Variants in ADCY2 observed in about 807,000 individuals in gnomAD.
The protein encoded by ADCY2 is adenylate cyclase 2.
Under a neutral mutation model 125.2 loss-of-function variants are expected in ADCY2, and 31 were observed. The observed-to-expected ratio is 0.25, with a 90% CI of 0.19 to 0.33. ADCY2 has a LOEUF of 0.33. Ranked by LOEUF, ADCY2 falls within the 10% of genes least tolerant of loss-of-function variation. The pLI, the probability that ADCY2 is intolerant of heterozygous loss-of-function variation, is 1.00. For missense variants in ADCY2, 904 were observed against 1,418.2 expected (o/e 0.64, Z 5.82); for synonymous variants, 512 against 548.4 (o/e 0.93, Z 0.93).
At chr5:7,666,274 A>C (rs1739721394) in intron 4 of ADCY2, among the ~76,000 whole-genome samples, 1 of 151,250 alleles carries the variant, frequency 6.6e-6, no homozygotes, top group Non-Finnish European at 1.5e-5. Context: ...ACTAGCATTT[A>C]TTTGTGCTCC....
intron 18 of ADCY2, among the ~76,000 whole-genome samples, chr5:7,774,307 T>C (rs1253353757): frequency 6.6e-6 from 1 of 152,238 alleles, no homozygotes; most frequent in Non-Finnish European, 1.5e-5. Flanking sequence ...TGCATAATTA[T>C]ATTTATGATT....
At chr5:7,501,140 A>T (rs1373762890) in intron 2 of ADCY2, among the ~76,000 whole-genome samples, 2 of 151,668 alleles carry the variant, frequency 1.3e-5, no homozygotes, top group Non-Finnish European at 2.9e-5. Flanking sequence ...TTAAAAAAAA[A>T]AAAAAAGGTC....
intron 10 of ADCY2, among the ~76,000 whole-genome samples, chr5:7,710,912 A>G (rs186379414): frequency 2.0e-5 from 3 of 152,338 alleles, no homozygotes; most frequent in African/African-American, 7.2e-5. Context: ...TTGGATATGC[A>G]TGAACATTAG....
At chr5:7,733,291 A>G (rs1742158431) in intron 14 of ADCY2, among the ~76,000 whole-genome samples, 1 of 152,248 alleles carries the variant, frequency 6.6e-6, no homozygotes, top group Non-Finnish European at 1.5e-5. Context: ...ACTTATTTCA[A>G]CACTCAATAC....
At chr5:7,422,724 T>C (rs765051050) in intron 2 of ADCY2, among the ~76,000 whole-genome samples, 30 of 152,238 alleles carry the variant, frequency 2.0e-4, no homozygotes, top group Non-Finnish European at 3.7e-4. Context: ...TTTGTCCTGT[T>C]ACCTAAAAGG....
intron 5 of ADCY2, 117 bp downstream of exon 5, chr5:7,690,956 A>C (rs1740684064): frequency 8.2e-7 from 1 of 1,212,708 alleles, no homozygotes; most frequent in African/African-American, 1.6e-5. Context: ...GATCCTTTGC[A>C]GGGGAAATAA....
At chr5:7,557,135 T>TATATATA (rs1554019445) in intron 3 of ADCY2, among the ~76,000 whole-genome samples, 5 of 77,466 alleles carry the variant, frequency 6.5e-5, no homozygotes, top group African/African-American at 1.7e-4. Flanking sequence ...CAAAAACAGT[T>TATATATA]TATATATATA....
chr5:7,781,979 G>GCTAACAGAATGAAAGAAGT (rs1441562848), intron 18 of ADCY2, among the ~76,000 whole-genome samples: 2 of 152,192 alleles, frequency 1.3e-5, no homozygotes, highest in African/African-American at 2.4e-5. Context: ...GTTCTCTTTT[G>GCTAACAGAATGAAAGAAGT]CTAACAGAAT....
chr5:7,516,456 A>G (rs185043971), intron 2 of ADCY2, among the ~76,000 whole-genome samples: 19 of 152,170 alleles, frequency 1.2e-4, no homozygotes, highest in Non-Finnish European at 2.8e-4. Flanking sequence ...CACCACTCAC[A>G]TGAACACAGG....
rs770653432 is a variant in ADCY2 at position 7,690,813 on chromosome 5, G to A, written c.843G>A (p.Leu281=). 4 of 1,601,948 alleles carry A rather than the reference G, an allele frequency of 2.5e-6. No individual in the cohort carries two copies. The South Asian group carries it at 4.5e-5, about 18-fold the overall frequency. The change falls in exon 5 of 25, where the codon CTG becomes CTA. Residue 281 remains leucine, a synonymous_variant. Coordinates refer to ENST00000338316, the MANE Select transcript of ADCY2 (RefSeq NM_020546.3). ...QMENTNNFHN[L]YVKRHTNVSI... is the part of the protein sequence containing the mutation. The stretch of plus-strand genomic sequence containing the variant: ...AGAACACAAATAACTTCCACAACCT[G>A]TATGTGAAGCGGCATACAAACGTGA...
chr5:7,812,769 C>G (rs1184546857), intron 22 of ADCY2, among the ~76,000 whole-genome samples: 1 of 152,092 alleles, frequency 6.6e-6, no homozygotes, highest in East Asian at 1.9e-4. Flanking sequence ...ATTAACCAGG[C>G]TTGGTGGGCA....
At chr5:7,458,656 C>T (rs536049548) in intron 2 of ADCY2, among the ~76,000 whole-genome samples, 1 of 152,266 alleles carries the variant, frequency 6.6e-6, no homozygotes, top group African/African-American at 2.4e-5. Context: ...AAGAAAAAGT[C>T]TCTTCCCACA....
chr5:7,804,071 A>AGAGAGAGAGAGAGAGAGAGG (rs1280836195), intron 21 of ADCY2, among the ~76,000 whole-genome samples: 1 of 148,590 alleles, frequency 6.7e-6, no homozygotes, highest in Non-Finnish European at 1.5e-5. Flanking sequence ...AGAGAGAGAG[A>AGAGAGAGAGAGAGAGAGAGG]GAGCTGGTTT....
intron 3 of ADCY2, among the ~76,000 whole-genome samples, chr5:7,589,504 A>AAGAAAGAAAG (rs1736767222): frequency 1.4e-5 from 1 of 70,566 alleles, no homozygotes; most frequent in African/African-American, 3.3e-5. Flanking sequence ...GAAAGAAAGA[A>AAGAAAGAAAG]AGAAAGAAAA....
At position 7,401,145 on chromosome 5, in the gene ADCY2, A is replaced by G. The variant is rs146633145; in HGVS notation, c.210+4639A>G. 1.1e-4 allele frequency among the ~76,000 whole-genome samples: 17 copies of G among 152,316 alleles called. No homozygotes were observed. In the South Asian group the frequency reaches 2.5e-3, roughly 22 times the overall value. ...CCTGCCTTGTAAGCTGATGTCCTCAATTAGTACATGCAAAGCCCTTAGAAC... is the reference window on the plus strand; with the variant it reads ...CCTGCCTTGTAAGCTGATGTCCTCAGTTAGTACATGCAAAGCCCTTAGAAC... On this transcript the variant is annotated intron_variant, in intron 1 of 24. Coordinates refer to ENST00000338316, the MANE Select transcript of ADCY2 (RefSeq NM_020546.3).
intron 16 of ADCY2, among the ~76,000 whole-genome samples, chr5:7,757,987 T>G (rs754957277): frequency 7.2e-5 from 11 of 152,126 alleles, no homozygotes; most frequent in Non-Finnish European, 1.2e-4. Context: ...AACTGCAATG[T>G]CTTAAGGATA....
At chr5:7,414,796 C>T (rs374414946) in intron 2 of ADCY2, 26 bp downstream of exon 2, 156 of 1,575,858 alleles carry the variant, frequency 9.9e-5, no homozygotes, top group African/African-American at 2.9e-4. Flanking sequence ...ATTTTTTGTA[C>T]TTCTTTTATG....
At chr5:7,467,980 T>C (rs181643608) in intron 2 of ADCY2, among the ~76,000 whole-genome samples, 36 of 152,328 alleles carry the variant, frequency 2.4e-4, no homozygotes, top group South Asian at 8.3e-4. Flanking sequence ...TTATAAACCA[T>C]AATTCCATAA....
chr5:7,666,504 A>T (rs573216598), intron 4 of ADCY2, among the ~76,000 whole-genome samples: 1 of 148,502 alleles, frequency 6.7e-6, no homozygotes, highest in African/African-American at 2.5e-5. Flanking sequence ...TCCGGACCTC[A>T]TGATCCGACC....
Sources: allele counts gnomAD v4.1 joint callset (sites outside exome capture counted in the v4.1 genomes callset), GRCh38; gene constraint gnomAD v4.1.1; transcripts MANE v1.5; gene names NCBI Gene and HGNC (gene_info 2026-07-23, HGNC 2026-07-21).